The following MAPK8 variants were observed in gnomAD, a reference collection of about 807,000 sequenced individuals.
MAPK8 encodes JUN N-terminal kinase.
A neutral mutation model predicts 52.9 loss-of-function variants in MAPK8; 13 were observed. The ratio of observed to expected loss-of-function variants is 0.25; its 90% CI spans 0.16 to 0.39. The LOEUF (loss-of-function observed/expected upper bound fraction) is 0.39, where lower values mean the gene tolerates loss of function less well. Ranked by LOEUF, MAPK8 falls within the 10% of genes least tolerant of loss-of-function variation. The pLI, the probability that MAPK8 is intolerant of heterozygous loss-of-function variation, is 1.00. For synonymous variants in MAPK8, 191 were observed against 169.8 expected, an observed-to-expected ratio of 1.12 and a Z score of -0.97; for missense variants, 300 against 519.2, an observed-to-expected ratio of 0.58 and a Z score of 4.10.
At chr10:48,433,745 T>G (rs2044578990) in intron 11 of MAPK8, among the ~76,000 whole-genome samples, 1 of 152,202 alleles carries the variant, frequency 6.6e-6, no homozygotes, top group South Asian at 2.1e-4. Flanking sequence ...TTGAAGTGTT[T>G]CATTGCTCAT....
At chr10:48,390,056 A>G (rs1447824156) in intron 1 of MAPK8, among the ~76,000 whole-genome samples, 1 of 152,166 alleles carries the variant, frequency 6.6e-6, no homozygotes. Context: ...CACCGAATGT[A>G]GTTTCAGTCC....
At chr10:48,314,994 A>G (rs1221535049) in intron 1 of MAPK8, among the ~76,000 whole-genome samples, 4 of 152,182 alleles carry the variant, frequency 2.6e-5, no homozygotes, top group Non-Finnish European at 5.9e-5. Context: ...ACCATTTACA[A>G]AATTTCCACG....
At chr10:48,368,872 A>C (rs1041013612) in intron 1 of MAPK8, among the ~76,000 whole-genome samples, 2 of 152,134 alleles carry the variant, frequency 1.3e-5, no homozygotes, top group Non-Finnish European at 2.9e-5. Flanking sequence ...CTTGTCTCTC[A>C]TGTCTGCTTC....
chr10:48,308,634 C>A (rs1391547489), intron 1 of MAPK8, among the ~76,000 whole-genome samples: 1 of 152,066 alleles, frequency 6.6e-6, no homozygotes. Context: ...CACTCATAAA[C>A]TGGTATTTCA....
intron 3 of MAPK8, among the ~76,000 whole-genome samples, chr10:48,409,350 T>A (rs1341000459): frequency 1.3e-5 from 2 of 152,156 alleles, no homozygotes; most frequent in Non-Finnish European, 2.9e-5. Context: ...TGGGTAGGAA[T>A]GAAAATGAAT....
chr10:48,414,394 G>T (rs1833519218), intron 5 of MAPK8, among the ~76,000 whole-genome samples: 1 of 149,920 alleles, frequency 6.7e-6, no homozygotes, highest in South Asian at 2.1e-4. Flanking sequence ...TTGTGTGTTG[G>T]TATGTTTTGT....
chr10:48,307,267 T>C (rs1003448931), intron 1 of MAPK8: 1 of 152,134 alleles, frequency 6.6e-6, no homozygotes, highest in African/African-American at 2.4e-5. Flanking sequence ...TGCCGGCAGG[T>C]CCCCAAGCCT....
At chr10:48,397,928 C>T (rs1245650228) in intron 1 of MAPK8, among the ~76,000 whole-genome samples, 2 of 152,044 alleles carry the variant, frequency 1.3e-5, no homozygotes, top group East Asian at 3.8e-4. Flanking sequence ...GGAGGTTATA[C>T]TAATATAAAG....
intron 1 of MAPK8, among the ~76,000 whole-genome samples, chr10:48,338,013 A>T (rs1441968427): frequency 2.0e-5 from 3 of 152,182 alleles, no homozygotes; most frequent in Admixed American, 2.0e-4. Flanking sequence ...ATTTTACTAG[A>T]TGTTGGTAGA....
At position 48,405,001 on chromosome 10, in the gene MAPK8, T is replaced by C. The variant is rs972608851; in HGVS notation, c.252+20T>C. The C allele has an allele frequency of 6.4e-7, 1 of 1,562,868 alleles. No homozygotes were observed. Among genetic ancestry groups the C allele is most frequent in the Non-Finnish European group, 8.7e-7 (1 of 1,148,702 alleles). On this transcript the variant is annotated intron_variant, in intron 3 of 11. Transcript: ENST00000374189. ...AAAAATGTAAGTGAACATTTTTGGT[T>C]TCCTAAGTATAGATGAAATCAAGAT...
chr10:48,314,027 GC>G (rs1842248880), intron 1 of MAPK8, among the ~76,000 whole-genome samples: 1 of 152,166 alleles, frequency 6.6e-6, no homozygotes, highest in Non-Finnish European at 1.5e-5. Context: ...TAAATGGCAT[GC>G]TTTTTTAACA....
chr10:48,311,724 A>G (rs1290643084), intron 1 of MAPK8, among the ~76,000 whole-genome samples: 1 of 152,098 alleles, frequency 6.6e-6, no homozygotes, highest in African/African-American at 2.4e-5. Context: ...AATGAGGGAG[A>G]TTATTTATTA....
chr10:48,410,007 GT>G, intron 4 of MAPK8, 22 bp from the exon 5 acceptor site: 2 of 1,604,098 alleles, frequency 1.2e-6, no homozygotes, highest in Non-Finnish European at 1.7e-6. Flanking sequence ...CACTTTAGCT[GT>G]TCTCTTTTTT....
At chr10:48,354,531 A>T (rs1345103) in intron 1 of MAPK8, among the ~76,000 whole-genome samples, 81,613 of 152,008 alleles carry the variant, frequency 0.54, 22,158 homozygotes, top group Middle Eastern at 0.73. Flanking sequence ...CACATGGAGG[A>T]CTTGTTAAAA....
rs140396817 is a variant in MAPK8, at chr10:48,327,244, A to G, written c.-50+20423A>G. Among the ~76,000 whole-genome samples, 796 of 152,254 alleles carry G rather than the reference A, an allele frequency of 5.2e-3. 4 individuals are homozygous for G. The highest frequency in any genetic ancestry group is 0.018 in the African/African-American group (740 of 41,540). ...AGAGTAGATTTTTTTAAAAAATCAA[A>G]TTGAGGAAATTCTTCTCCATTCTTG... is the stretch of plus-strand genomic sequence containing the variant. On this transcript the variant is annotated intron_variant, in intron 1 of 11. Transcript: ENST00000374189.
intron 1 of MAPK8, among the ~76,000 whole-genome samples, chr10:48,386,225 G>A (rs762216806): frequency 9.9e-5 from 15 of 152,060 alleles, no homozygotes; most frequent in Non-Finnish European, 1.9e-4. Flanking sequence ...TCTTCTCAAG[G>A]AATGAGATTT....
intron 1 of MAPK8, among the ~76,000 whole-genome samples, chr10:48,351,491 T>C (rs1345451160): frequency 6.6e-6 from 1 of 151,792 alleles, no homozygotes; most frequent in Admixed American, 6.6e-5. Flanking sequence ...ATTGTACCCA[T>C]GAGTCATGGC....
Position 48,437,736 on chromosome 10 carries a change from G to A in MAPK8, c.*2707G>A, listed in dbSNP as rs1269275607. ...AATTGTTCCTGACGTGCACTCTTCC[G>A]AGTTGGTAAAGGCACAGTGTGTTCA... On this transcript the variant is annotated 3_prime_UTR_variant, in exon 12 of 12. Coordinates refer to ENST00000374189, the MANE Select transcript of MAPK8 (RefSeq NM_001323329.2). 1 of 152,192 alleles carries A rather than the reference G, an allele frequency of 6.6e-6. No individual in the cohort carries two copies. Among genetic ancestry groups the A allele is most frequent in the African/African-American group, 2.4e-5 (1 of 41,444 alleles). The allele number at this position is 152,192 out of a possible 1,614,324, so 9.4% of individuals were successfully genotyped here. A position where few individuals can be genotyped will look rare whatever the true frequency, so the allele number is the denominator to read the frequency against.
chr10:48,321,089 G>GTTT lies in MAPK8; in HGVS notation c.-50+14289_-50+14291dup, dbSNP rs34616108. 3.3e-3 allele frequency among the ~76,000 whole-genome samples: 312 copies of GTTT among 93,988 alleles called. 11 individuals carry two copies. Among genetic ancestry groups the GTTT allele is most frequent in the East Asian group, 0.033 (101 of 3,094 alleles). 61.7% of individuals were successfully genotyped at this position (93,988 alleles called of 152,430 possible). A position where few individuals can be genotyped will look rare whatever the true frequency, so the allele number is the denominator to read the frequency against. The stretch of plus-strand genomic sequence containing the variant: ...TTTATCTTTTTATTACGTTGTAAGA[G>GTTT]TTTTTTTTTTTTTTTTTTTTTTTAA... On this transcript the variant is annotated intron_variant, in intron 1 of 11. Coordinates refer to ENST00000374189, the MANE Select transcript of MAPK8 (RefSeq NM_001323329.2).
Sources: allele counts gnomAD v4.1 joint callset (sites outside exome capture counted in the v4.1 genomes callset), GRCh38; gene constraint gnomAD v4.1.1; transcripts MANE v1.5; gene names NCBI Gene and HGNC (gene_info 2026-07-23, HGNC 2026-07-21).